The following DNHD1 variants were observed in gnomAD, a reference collection of about 807,000 sequenced individuals.
The protein encoded by DNHD1 is dynein heavy chain domain-containing protein 1.
A neutral mutation model predicts 458.1 loss-of-function variants in DNHD1; 383 were observed. The ratio of observed to expected loss-of-function variants is 0.84; its 90% confidence interval spans 0.77 to 0.91. The LOEUF is 0.91. Among genes scored for constraint, DNHD1 ranks in the 40% least tolerant of loss-of-function variants. The pLI, the probability that DNHD1 is intolerant of heterozygous loss-of-function variation, is 0.00. For synonymous variants in DNHD1, 2,203 were observed against 2,376.9 expected (o/e 0.93, Z 2.13); for missense variants, 5,336 against 5,866.1 (o/e 0.91, Z 2.95).
chr11:6,512,444 G>A lies in DNHD1; in HGVS notation c.1392+1015G>A, dbSNP rs185632168. On this transcript the variant is annotated intron_variant, in intron 7 of 42. Transcript: ENST00000254579. ...TCACTGTGTTAGCCAGGATGGTCTT[G>A]ATCTCCTGACCTTGTGATCCGCCCA... is the stretch of plus-strand genomic sequence containing the variant. Among the ~76,000 whole-genome samples the A allele has an allele frequency of 7.3e-3, 1,101 of 151,734 alleles. 8 individuals are homozygous for A. Among genetic ancestry groups the A allele is most frequent in the African/African-American group, 0.025 (1,037 of 41,342 alleles).
chr11:6,538,328 ACCCCC>A, intron 14 of DNHD1, 50 bp from the exon 15 acceptor site: 1 of 1,522,430 alleles, frequency 6.6e-7, no homozygotes, highest in East Asian at 2.5e-5. Context: ...TCATTCCACC[ACCCCC>A]CTCCCAACAC....
chr11:6,568,688 C>T lies in DNHD1; in HGVS notation c.12685C>T (p.Pro4229Ser). 1.9e-6 allele frequency: 3 copies of T among 1,613,870 alleles called. No individual in the cohort carries two copies. Among genetic ancestry groups the T allele is most frequent in the Non-Finnish European group, 2.5e-6 (3 of 1,179,798 alleles). Residue 4229 changes from proline (P) to serine (S), a missense_variant, in exon 39 of 43, where the codon CCT (proline) becomes TCT (serine). This residue lies in a region of DNHD1 where 695 missense variants were observed against 804.2 expected (regional missense o/e 0.86). Coordinates refer to ENST00000254579, the MANE Select transcript of DNHD1 (RefSeq NM_144666.3). ...AGCTGTGCTGACTCAGCACTCCATG[C>T]CTGTTTTCTGGAACCAGTCCCTGGA... ...LPAVLTQHSM[P>S]VFWNQSLELG...
In DNHD1 at chr11:6,528,870, G is replaced by T. The variant is rs1425274397; in HGVS notation, c.2104-8G>T. On this transcript the variant is annotated splice_polypyrimidine_tract_variant and splice_region_variant and intron_variant, in intron 11 of 42. Transcript: ENST00000254579. The stretch of plus-strand genomic sequence containing the variant: ...TGCCTCTGCCCTAAACACCTTGTCT[G>T]CCCTTAGGGCGTGCTGTGCAAGGTG... The T allele has an allele frequency of 1.3e-5, 20 of 1,551,554 alleles. No individual in the cohort carries two copies. Among genetic ancestry groups the T allele is most frequent in the Non-Finnish European group, 1.7e-5 (19 of 1,146,912 alleles).
Position 6,557,092 on chromosome 11 carries a change from C to T in DNHD1, c.7797C>T (p.Ser2599=). Residue 2599 remains serine, a synonymous_variant, in exon 25 of 43, where the codon AGC becomes AGT. Transcript: ENST00000254579. Reference sequence around the variant, plus strand: ...TACACTCTGTGAGCCACCTACTGAGCAGCCTGCAGCTGCTGCCCAACAGAA... The same window carrying T: ...TACACTCTGTGAGCCACCTACTGAGTAGCCTGCAGCTGCTGCCCAACAGAA... The part of the protein sequence containing the change: ...FSLHSVSHLL[S]SLQLLPNRTG... 6.4e-7 allele frequency: 1 copy of T among 1,551,736 alleles called. No homozygotes were observed.
chr11:6,563,460 C>T lies in DNHD1; in HGVS notation c.9748C>T (p.Pro3250Ser). 9 of 1,551,712 alleles carry T rather than the reference C, an allele frequency of 5.8e-6. No homozygotes were observed. The highest frequency in any genetic ancestry group is 5.5e-5 in the African/African-American group (4 of 73,154). ...FEEIRSYRAP[P>S]ESVVRVTDAM... ...GGAGATACGGAGCTATCGAGCACCACCAGAATCTGTGGTCCGGGTAACTGA... is the reference window on the plus strand; with the variant it reads ...GGAGATACGGAGCTATCGAGCACCATCAGAATCTGTGGTCCGGGTAACTGA... Residue 3250 changes from proline (P) to serine (S), a missense_variant, in exon 30 of 43, where the codon CCA (proline) becomes TCA (serine). Transcript: ENST00000254579.
chr11:6,523,687 T>C (rs1263726919), intron 10 of DNHD1, among the ~76,000 whole-genome samples: 1 of 152,200 alleles, frequency 6.6e-6, no homozygotes, highest in African/African-American at 2.4e-5. Context: ...ATTTAGTTGA[T>C]TTCAAATTTC....
chr11:6,539,936 T>C lies in DNHD1; in HGVS notation c.3481T>C (p.Tyr1161His). ...AQETIRRLQR[Y>H]WEARQLRLLN... ...AGAGACTATACGGCGGTTGCAGCGG[T>C]ACTGGGAAGCGCGCCAGCTGCGCCT... Residue 1161 changes from tyrosine to histidine, a missense_variant, in exon 18 of 43, where the codon TAC becomes CAC. This residue lies in a region of DNHD1 where 3,932 missense variants were observed against 4,365.6 expected (regional missense o/e 0.90). Coordinates refer to ENST00000254579, the MANE Select transcript of DNHD1 (RefSeq NM_144666.3). 1.3e-6 allele frequency: 2 copies of C among 1,551,638 alleles called. No individual in the cohort carries two copies. Among genetic ancestry groups the C allele is most frequent in the Non-Finnish European group, 1.7e-6 (2 of 1,146,926 alleles).
chr11:6,557,009 G>A lies in DNHD1; in HGVS notation c.7714G>A (p.Glu2572Lys). ...GGTTAGGGCCTCAGTAGAGGCCTGG[G>A]AGGCTGTGTGCAATTGCTTCATGCC... ...GLVRASVEAW[E>K]AVCNCFMPSP... The change falls in exon 25 of 43, where the codon GAG (glutamate) becomes AAG (lysine). Residue 2572 changes from glutamate to lysine, a missense_variant. By Grantham distance (56) the Glu-to-Lys change is moderately conservative. Around this residue, in one of 4 missense-constraint regions of DNHD1, gnomAD observed 3,932 missense variants for 4,365.6 expected, o/e 0.90. Coordinates refer to ENST00000254579, the MANE Select transcript of DNHD1 (RefSeq NM_144666.3). 1.3e-6 allele frequency: 2 copies of A among 1,551,704 alleles called. No individual in the cohort carries two copies. The highest frequency in any genetic ancestry group is 1.7e-6 in the Non-Finnish European group (2 of 1,147,000).
At chr11:6,509,396 A>G (rs1589866719) in intron 6 of DNHD1, 124 bp downstream of exon 6, 1 of 769,044 alleles carries the variant, frequency 1.3e-6, no homozygotes, top group African/African-American at 1.8e-5. Flanking sequence ...CTTTAATCCT[A>G]CCAACCACTA....
rs774781170 is a variant in DNHD1 at position 6,558,147 on chromosome 11, T to G, written c.8852T>G (p.Leu2951Arg). ...CTGTTGGTACCCAGTGGTGTGGATC[T>G]CACTACACTTCATCGCCTCCTGGCC... is the stretch of plus-strand genomic sequence containing the variant. ...VALLVPSGVD[L>R]TTLHRLLALA... The change falls in exon 25 of 43, where the codon CTC becomes CGC. Residue 2951 changes from leucine (L) to arginine (R), a missense_variant. Leu to Arg is a moderately radical substitution (Grantham distance 102). Transcript: ENST00000254579. The G allele has an allele frequency of 1.3e-6, 2 of 1,551,594 alleles. No homozygotes were observed. The highest frequency in any genetic ancestry group is 8.7e-7 in the Non-Finnish European group (1 of 1,147,000).
Position 6,546,125 on chromosome 11 carries a change from C to T in DNHD1, c.5186C>T (p.Ala1729Val), listed in dbSNP as rs928674405. The change falls in exon 21 of 43, where the codon GCC becomes GTC. Residue 1729 changes from alanine (A) to valine (V), a missense_variant. Physicochemically the swap from Ala to Val is moderately conservative, Grantham distance 64. Coordinates refer to ENST00000254579, the MANE Select transcript of DNHD1 (RefSeq NM_144666.3). The stretch of plus-strand genomic sequence containing the variant: ...TGCCTGAGCAACTATCTGAATGGTG[C>T]CCTGCAGGGTGGTGCCTGGCTGCTG... ...AQCLSNYLNG[A>V]LQGGAWLLLE... 4.5e-6 allele frequency: 7 copies of T among 1,551,398 alleles called. No individual in the cohort carries two copies. In the African/African-American group the frequency reaches 9.6e-5, roughly 21 times the overall value.
chr11:6,523,331 G>T (rs147723771), intron 10 of DNHD1, among the ~76,000 whole-genome samples: 1 of 152,146 alleles, frequency 6.6e-6, no homozygotes, highest in African/African-American at 2.4e-5. Context: ...TGAGCAGTAG[G>T]ACTAGGAAGA....
rs1163598415 is a variant in DNHD1 at position 6,563,109 on chromosome 11, A to C, written c.9647A>C (p.Gln3216Pro). The change falls in exon 29 of 43, where the codon CAG becomes CCG. Residue 3216 changes from glutamine (Q) to proline (P), a missense_variant. Physicochemically the swap from Gln to Pro is moderately conservative, Grantham distance 76. Around this residue, in one of 4 missense-constraint regions of DNHD1, gnomAD observed 3,932 missense variants for 4,365.6 expected, o/e 0.90. Coordinates refer to ENST00000254579, the MANE Select transcript of DNHD1 (RefSeq NM_144666.3). ...LARQRDALQA[Q>P]REAFLEQMSK... ...AGGCAACGGGATGCCCTGCAAGCTC[A>C]GCGAGAGGCTTTCCTGGAGCAGGTG... The C allele has an allele frequency of 6.4e-7, 1 of 1,551,732 alleles. No homozygotes were observed. Among genetic ancestry groups the C allele is most frequent in the Non-Finnish European group, 8.7e-7 (1 of 1,146,992 alleles).
chr11:6,546,742 C>T lies in DNHD1; in HGVS notation c.5803C>T (p.Leu1935Phe). ...CAACCTCCGAGGGCTGTTGTGTGCG[C>T]TTTTCCCTAGCGCCAGCCAAGTGCT... ...LHNLRGLLCA[L>F]FPSASQVLAE... The change falls in exon 21 of 43, where the codon CTT becomes TTT. Residue 1935 changes from leucine (L) to phenylalanine (F), a missense_variant. Physicochemically the swap from Leu to Phe is conservative, Grantham distance 22. Around this residue, in one of 4 missense-constraint regions of DNHD1, gnomAD observed 3,932 missense variants for 4,365.6 expected, o/e 0.90. Coordinates refer to ENST00000254579, the MANE Select transcript of DNHD1 (RefSeq NM_144666.3). The T allele has an allele frequency of 3.2e-6, 5 of 1,551,796 alleles. No homozygotes were observed. The highest frequency in any genetic ancestry group is 3.5e-6 in the Non-Finnish European group (4 of 1,147,008).
In DNHD1 at chr11:6,546,931, A is replaced by G; in HGVS notation, c.5992A>G (p.Lys1998Glu). The G allele has an allele frequency of 6.4e-7, 1 of 1,551,586 alleles. No homozygotes were observed. The highest frequency in any genetic ancestry group is 1.4e-5 in the African/African-American group (1 of 73,166). The stretch of plus-strand genomic sequence containing the variant: ...GCTCCTGGGCCCTGCGGGCAGCGGC[A>G]AGACCACTTGTTGGCACAGCTTATT... ...ILLLGPAGSG[K>E]TTCWHSLFKI... is the part of the protein sequence containing the mutation. Residue 1998 changes from lysine (K) to glutamate (E), a missense_variant, in exon 21 of 43, where the codon AAG becomes GAG. Physicochemically the swap from Lys to Glu is moderately conservative, Grantham distance 56. Transcript: ENST00000254579.
Position 6,505,798 on chromosome 11 carries a change from A to G in DNHD1, c.920+2872A>G, listed in dbSNP as rs1013070617. Among the ~76,000 whole-genome samples the G allele has an allele frequency of 2.6e-5, 4 of 152,172 alleles. No homozygotes were observed. The highest frequency in any genetic ancestry group is 5.9e-5 in the Non-Finnish European group (4 of 68,020). On this transcript the variant is annotated intron_variant, in intron 4 of 42. Coordinates refer to ENST00000254579, the MANE Select transcript of DNHD1 (RefSeq NM_144666.3). This position sits in a 1 kb window ranked among gnomAD's most constrained non-coding sequence, Gnocchi z 4.4. Reference sequence around the variant, plus strand: ...ATCCATGACACACAGTGGCATCACAATTAATTAAATTATCACTTGTGGTTG... The same window carrying G: ...ATCCATGACACACAGTGGCATCACAGTTAATTAAATTATCACTTGTGGTTG...
chr11:6,525,979 T>C (rs1044896784), intron 10 of DNHD1, among the ~76,000 whole-genome samples: 2 of 152,100 alleles, frequency 1.3e-5, no homozygotes, highest in African/African-American at 4.8e-5. Context: ...TATCTTTTTT[T>C]AAATTTCAGA....
chr11:6,557,462 A>G lies in DNHD1; in HGVS notation c.8167A>G (p.Ser2723Gly). 6.4e-7 allele frequency: 1 copy of G among 1,551,762 alleles called. No homozygotes were observed. Among genetic ancestry groups the G allele is most frequent in the Non-Finnish European group, 8.7e-7 (1 of 1,147,052 alleles). ...GGCCCAGTGGGAGGACTTCAGCAACAGCAATAGTGAAACAGAGGAGGAAGA... is the reference window on the plus strand; with the variant it reads ...GGCCCAGTGGGAGGACTTCAGCAACGGCAATAGTGAAACAGAGGAGGAAGA... The part of the protein sequence containing the change: ...ELAQWEDFSN[S>G]NSETEEEEEP... Residue 2723 changes from serine (S) to glycine (G), a missense_variant, in exon 25 of 43, where the codon AGC becomes GGC. By Grantham distance (56) the Ser-to-Gly change is moderately conservative (BLOSUM62 0). This residue lies in a region of DNHD1 where 3,932 missense variants were observed against 4,365.6 expected (regional missense o/e 0.90). Coordinates refer to ENST00000254579, the MANE Select transcript of DNHD1 (RefSeq NM_144666.3).
rs1564817209 is a variant in DNHD1 at position 6,548,682 on chromosome 11, CAGG to C, written c.7137_7139del (p.Gly2381del). 3.2e-6 allele frequency: 5 copies of C among 1,551,632 alleles called. No individual in the cohort carries two copies. The South Asian group carries it at 3.6e-5, about 11-fold the overall frequency. On this transcript the variant is annotated inframe_deletion, in exon 24 of 43. Coordinates refer to ENST00000254579, the MANE Select transcript of DNHD1 (RefSeq NM_144666.3). This position sits in a 1 kb window ranked among gnomAD's most constrained non-coding sequence, Gnocchi z 4.4. ...TTGTATGTGGTGGACCTGCTTCTGT[CAGG>C]GGGACAGCCAGTGTTGCTGGCTGGA... is the stretch of plus-strand genomic sequence containing the variant.
Sources: gnomAD v4.1 joint callset for allele counts (sites outside exome capture counted in the v4.1 genomes callset) on GRCh38, gnomAD v4.1.1 for gene constraint, gnomAD v4.1.1 regional missense constraint, Gnocchi (gnomAD v3.1) non-coding constraint, MANE v1.5 for transcripts, NCBI Gene and HGNC (gene_info 2026-07-23, HGNC 2026-07-21) for gene names.